Variants in ITPR2 observed in about 807,000 individuals in gnomAD.
ITPR2 encodes inositol 1,4,5-trisphosphate-gated calcium channel ITPR2.
ITPR2 carries 207 observed loss-of-function variants against 317.1 expected under a neutral mutation model. The observed-to-expected ratio is 0.65, with a 90% CI of 0.58 to 0.73. The LOEUF is 0.73. ITPR2 is among the 30% of genes least tolerant of loss of function. The probability of loss-of-function intolerance (pLI) is 0.00; values close to 1 mark genes in which losing one functional copy is unlikely to be tolerated. For synonymous variants in ITPR2, 1,156 were observed against 1,149.1 expected, an observed-to-expected ratio of 1.01 and a Z score of -0.12; for missense variants, 2,613 against 3,284.0, an observed-to-expected ratio of 0.80 and a Z score of 4.99.
chr12:26,487,119 TG>T lies in ITPR2; in HGVS notation c.5502del (p.Asn1834LysfsTer10). The T allele has an allele frequency of 6.2e-7, 1 of 1,612,902 alleles. No individual in the cohort carries two copies. The highest frequency in any genetic ancestry group is 8.5e-7 in the Non-Finnish European group (1 of 1,179,596). On this transcript the variant is annotated frameshift_variant, in exon 40 of 57. Transcript: ENST00000381340. LOFTEE classifies it high-confidence loss of function. Reference protein sequence around the residue: ...TVTVNTIDLGNKKRDDDNELM... With the variant: ...TVTVNTIDLGXKKRDDDNELM... ...AATTCATTGTCATCGTCCCTTTTTT[TG>T]TTACCTAAATCTATGGTATTAACTG...
At chr12:26,746,000 G>A (rs1188418468) in intron 2 of ITPR2, among the ~76,000 whole-genome samples, 1 of 152,024 alleles carries the variant, frequency 6.6e-6, no homozygotes, top group Non-Finnish European at 1.5e-5. Flanking sequence ...TGTTCTTGTT[G>A]TTCTTTAATT....
chr12:26,547,540 C>T (rs1944418467), intron 37 of ITPR2, among the ~76,000 whole-genome samples: 1 of 152,214 alleles, frequency 6.6e-6, no homozygotes, highest in Non-Finnish European at 1.5e-5. Context: ...ATTCAGCAAT[C>T]CCACTACTGA....
intron 13 of ITPR2, among the ~76,000 whole-genome samples, chr12:26,679,679 TTTTTA>T (rs1947991083): frequency 6.6e-6 from 1 of 152,170 alleles, no homozygotes; most frequent in Non-Finnish European, 1.5e-5. Context: ...CTAGTTTTCT[TTTTTA>T]TTTTTATTTT....
chr12:26,571,522 T>G (rs1466841107), intron 34 of ITPR2, among the ~76,000 whole-genome samples: 1 of 152,242 alleles, frequency 6.6e-6, no homozygotes, highest in African/African-American at 2.4e-5. Context: ...ATAGCTTAAA[T>G]TACCACCTTG....
intron 55 of ITPR2, among the ~76,000 whole-genome samples, chr12:26,348,547 G>A (rs1173713174): frequency 6.6e-6 from 1 of 152,170 alleles, no homozygotes; most frequent in Non-Finnish European, 1.5e-5. Flanking sequence ...TGCTCAAGGT[G>A]GGCAACAAAA....
chr12:26,390,228 T>A (rs1939790370), intron 54 of ITPR2, among the ~76,000 whole-genome samples: 1 of 152,116 alleles, frequency 6.6e-6, no homozygotes, highest in South Asian at 2.1e-4. Flanking sequence ...AAACAGAGAG[T>A]TACCATATAA....
At chr12:26,737,972 G>C (rs1409377311) in intron 2 of ITPR2, among the ~76,000 whole-genome samples, 1 of 151,940 alleles carries the variant, frequency 6.6e-6, no homozygotes, top group African/African-American at 2.4e-5. Flanking sequence ...AAAGGTAGAA[G>C]GAATAATAAC....
At chr12:26,385,653 G>A (rs1440117469) in intron 55 of ITPR2, among the ~76,000 whole-genome samples, 2 of 152,092 alleles carry the variant, frequency 1.3e-5, no homozygotes, top group African/African-American at 2.4e-5. Context: ...TTCCCTATAA[G>A]TGGACCATGT....
intron 2 of ITPR2, among the ~76,000 whole-genome samples, chr12:26,747,135 G>A (rs918349648): frequency 2.0e-5 from 3 of 152,036 alleles, no homozygotes; most frequent in Non-Finnish European, 2.9e-5. Flanking sequence ...ACTTTCCATT[G>A]TACATAAAAA....
At chr12:26,458,885 GC>G (rs1941949558) in intron 45 of ITPR2, among the ~76,000 whole-genome samples, 1 of 152,150 alleles carries the variant, frequency 6.6e-6, no homozygotes, top group Non-Finnish European at 1.5e-5. Flanking sequence ...GAGCGTGAAG[GC>G]CTCGCCACAG....
intron 2 of ITPR2, among the ~76,000 whole-genome samples, chr12:26,751,129 T>C (rs1949407494): frequency 6.6e-6 from 1 of 152,188 alleles, no homozygotes; most frequent in African/African-American, 2.4e-5. Flanking sequence ...TACTTTTATT[T>C]ATCCCCTATT....
chr12:26,669,032 T>C (rs1436353412), intron 13 of ITPR2, among the ~76,000 whole-genome samples: 2 of 152,112 alleles, frequency 1.3e-5, no homozygotes, highest in Non-Finnish European at 2.9e-5. Context: ...GCAAGAGGAA[T>C]TGCTGAAACC....
chr12:26,572,939 G>A (rs1945197314), intron 34 of ITPR2, among the ~76,000 whole-genome samples: 1 of 151,964 alleles, frequency 6.6e-6, no homozygotes, highest in South Asian at 2.1e-4. Flanking sequence ...TCTAAGACAG[G>A]ACTTTTGGGG....
In ITPR2 at chr12:26,448,003, A is replaced by T. The variant is rs896405293; in HGVS notation, c.6343-4353T>A. On this transcript the variant is annotated intron_variant, in intron 45 of 56. Coordinates refer to ENST00000381340, the MANE Select transcript of ITPR2 (RefSeq NM_002223.4). ...GTACCCTTTTACATGACTTTTTTTT[A>T]AAAAAAAAAAAACCCAGCATCCAAA... 8.6e-4 allele frequency among the ~76,000 whole-genome samples: 106 copies of T among 122,956 alleles called. 1 individual carries two copies. The highest frequency in any genetic ancestry group is 6.0e-3 in the Admixed American group (73 of 12,092). The allele number at this position is 122,956 out of a possible 152,430, so 80.7% of individuals were successfully genotyped here. A position where few individuals can be genotyped will look rare whatever the true frequency, so the allele number is the denominator to read the frequency against.
At chr12:26,772,453 T>C (rs1176524557) in intron 2 of ITPR2, among the ~76,000 whole-genome samples, 1 of 66,250 alleles carries the variant, frequency 1.5e-5, no homozygotes, top group Non-Finnish European at 3.4e-5. Flanking sequence ...ATATATATTA[T>C]ATATATAATA....
chr12:26,671,769 G>C (rs557142889), intron 13 of ITPR2, among the ~76,000 whole-genome samples: 1 of 152,334 alleles, frequency 6.6e-6, no homozygotes, highest in East Asian at 1.9e-4. Context: ...TGGATAAAGA[G>C]TCAAGACTCA....
intron 5 of ITPR2, among the ~76,000 whole-genome samples, chr12:26,718,579 G>GTA (rs1031976887): frequency 2.8e-4 from 42 of 148,802 alleles, no homozygotes; most frequent in South Asian, 6.3e-4. Flanking sequence ...CATATATATA[G>GTA]TATATATATA....
intron 2 of ITPR2, among the ~76,000 whole-genome samples, chr12:26,763,271 T>C (rs1949668073): frequency 6.6e-6 from 1 of 151,846 alleles, no homozygotes; most frequent in South Asian, 2.1e-4. Context: ...TATAGTTTAA[T>C]AAAGCTGGAG....
intron 55 of ITPR2, among the ~76,000 whole-genome samples, chr12:26,359,183 G>A (rs915609484): frequency 7.9e-5 from 12 of 152,184 alleles, no homozygotes; most frequent in Admixed American, 3.3e-4. Context: ...CTGAATAAGT[G>A]AAGAAATACA....
Sources: gnomAD v4.1 joint callset for allele counts (sites outside exome capture counted in the v4.1 genomes callset) on GRCh38, gnomAD v4.1.1 for gene constraint, MANE v1.5 for transcripts, NCBI Gene and HGNC (gene_info 2026-07-23, HGNC 2026-07-21) for gene names.